The following BPIFC variants were observed in gnomAD, a reference collection of about 807,000 sequenced individuals.
The protein encoded by BPIFC is BPI fold containing family C.
Under a neutral mutation model 57.6 loss-of-function variants are expected in BPIFC, and 60 were observed. The observed-to-expected ratio is 1.04, with a 90% confidence interval of 0.85 to 1.29. The LOEUF (loss-of-function observed/expected upper bound fraction) is 1.29, where lower values mean the gene tolerates loss of function less well. Among genes scored for constraint, BPIFC ranks in the 50% most tolerant of loss-of-function variants. The probability of loss-of-function intolerance (pLI) is 0.00; values close to 1 mark genes in which losing one functional copy is unlikely to be tolerated. For missense variants in BPIFC, 581 were observed against 600.5 expected (o/e 0.97, Z 0.34); for synonymous variants, 243 against 224.5 (o/e 1.08, Z -0.74).
chr22:32,444,333 G>A (rs996224849), intron 7 of BPIFC, among the ~76,000 whole-genome samples: 1 of 152,062 alleles, frequency 6.6e-6, no homozygotes, highest in Non-Finnish European at 1.5e-5. Flanking sequence ...GGACAGCTGC[G>A]CCACCTCCTG....
At position 32,464,446 on chromosome 22, in the gene BPIFC, C is replaced by T. The variant is rs929810011; in HGVS notation, c.-161G>A. 13 of 985,350 alleles carry T rather than the reference C, an allele frequency of 1.3e-5. No individual in the cohort carries two copies. The highest frequency in any genetic ancestry group is 1.6e-5 in the Non-Finnish European group (13 of 829,918). The allele number at this position is 985,350 out of a possible 1,614,324, so 61.0% of individuals were successfully genotyped here. A position where few individuals can be genotyped will look rare whatever the true frequency, so the allele number is the denominator to read the frequency against. ...CTGCCTTTGAAGCTGATGTGTTCTC[C>T]ACCTTGCGCCTTAAACTCAGCTGCT... On this transcript the variant is annotated 5_prime_UTR_variant, in exon 1 of 17. Transcript: ENST00000300399.
chr22:32,430,029 G>A (rs1479696260), intron 13 of BPIFC, among the ~76,000 whole-genome samples: 1 of 152,130 alleles, frequency 6.6e-6, no homozygotes, highest in Non-Finnish European at 1.5e-5. Flanking sequence ...AGCTTTATAG[G>A]GCTGAGGAAA....
chr22:32,428,830 C>T (rs1014784128), intron 13 of BPIFC, among the ~76,000 whole-genome samples: 1 of 151,710 alleles, frequency 6.6e-6, no homozygotes, highest in South Asian at 2.1e-4. Flanking sequence ...ACCCGGGAGG[C>T]GGAGGTTGTA....
intron 2 of BPIFC, among the ~76,000 whole-genome samples, chr22:32,457,599 A>G (rs913503376): frequency 3.3e-5 from 5 of 150,028 alleles, no homozygotes; most frequent in Non-Finnish European, 5.9e-5. Context: ...CCATCCATCC[A>G]TGCGCTCTCC....
intron 2 of BPIFC, 134 bp from the exon 3 acceptor site, chr22:32,457,520 T>TCCA (rs1935065677): frequency 6.8e-5 from 67 of 979,710 alleles, no homozygotes; most frequent in Non-Finnish European, 9.6e-5. Flanking sequence ...AATCCATCCA[T>TCCA]TCATCCATCC....
chr22:32,431,793 TA>T (rs1011207393), intron 12 of BPIFC, among the ~76,000 whole-genome samples: 75 of 151,124 alleles, frequency 5.0e-4, no homozygotes, highest in Admixed American at 1.2e-3. Flanking sequence ...TTATTTAGAT[TA>T]AAAAAAAAGA....
Position 32,445,712 on chromosome 22 carries a change from T to TTAAA in BPIFC, c.531-15_531-14insTTTA. 17 of 169,278 alleles carry TTAAA rather than the reference T, an allele frequency of 1.0e-4. No homozygotes were observed. Among genetic ancestry groups the TTAAA allele is most frequent in the South Asian group, 1.9e-4 (1 of 5,368 alleles). The allele number at this position is 169,278 out of a possible 1,614,324, so 10.5% of individuals were successfully genotyped here. On this transcript the variant is annotated splice_polypyrimidine_tract_variant and intron_variant, in intron 6 of 16. Transcript: ENST00000300399. ...TTATACAGAACACTGAGGAAAAAAA[T>TTAAA]GAAAAAAAAAAAAAAAAAAAAAAGA...
chr22:32,419,449 CT>C, intron 13 of BPIFC, 45 bp from the exon 14 acceptor site: 1 of 1,553,334 alleles, frequency 6.4e-7, no homozygotes, highest in Non-Finnish European at 8.8e-7. Context: ...AAACAACAGC[CT>C]TAGTAGAAAG....
At chr22:32,446,950 T>C (rs1410660724) in intron 5 of BPIFC, 2 of 434,190 alleles carry the variant, frequency 4.6e-6, no homozygotes, top group Non-Finnish European at 6.1e-6. Flanking sequence ...GTTTCTCTGA[T>C]AGTCAGGGAC....
At chr22:32,451,296 C>T (rs1934889140) in intron 4 of BPIFC, among the ~76,000 whole-genome samples, 1 of 152,180 alleles carries the variant, frequency 6.6e-6, no homozygotes, top group Non-Finnish European at 1.5e-5. Context: ...GGGCTGGTTC[C>T]AAGTCTTTGC....
At position 32,424,621 on chromosome 22, in the gene BPIFC, CCTCCTCCTCTTCTTCTTCTT is replaced by C. The variant is rs1569447871; in HGVS notation, c.1218-5237_1218-5218del. Among the ~76,000 whole-genome samples the C allele has an allele frequency of 3.1e-4, 14 of 45,778 alleles. 4 individuals carry two copies. Among genetic ancestry groups the C allele is most frequent in the African/African-American group, 2.8e-3 (14 of 5,008 alleles). The allele number at this position is 45,778 out of a possible 152,430, so 30.0% of individuals were successfully genotyped here. ...TTCTTCTCCTCCTCCTCCTCCTCCT[CCTCCTCCTCTTCTTCTTCTT>C]CTCTTCTTCTTCTTCTTCTTCTTCT... On this transcript the variant is annotated intron_variant, in intron 13 of 16. Transcript: ENST00000300399.
Position 32,435,724 on chromosome 22 carries a change from C to A in BPIFC, c.904G>T (p.Val302Phe), listed in dbSNP as rs5994570. The change falls in exon 10 of 17, where the codon GTC (valine) becomes TTC (phenylalanine). Residue 302 changes from valine to phenylalanine, a missense_variant. Coordinates refer to ENST00000300399, the MANE Select transcript of BPIFC (RefSeq NM_174932.3). ...FAHFTAGVFNVTLSTEEISNH... is the reference protein window; with the variant it reads ...FAHFTAGVFNFTLSTEEISNH... ...CTCACCTCTTCGGTGGAGAGAGTGACATTGAAAACCCCAGCTGTGAAATGA... is the reference window on the plus strand; with the variant it reads ...CTCACCTCTTCGGTGGAGAGAGTGAAATTGAAAACCCCAGCTGTGAAATGA... 6.2e-7 allele frequency: 1 copy of A among 1,613,726 alleles called. No individual in the cohort carries two copies. The highest frequency in any genetic ancestry group is 1.7e-5 in the Admixed American group (1 of 59,976).
chr22:32,444,749 C>G (rs75204746), intron 7 of BPIFC, among the ~76,000 whole-genome samples: 11,321 of 152,220 alleles, frequency 0.074, 546 homozygotes, highest in East Asian at 0.16. Flanking sequence ...CAAATCCTAC[C>G]TATATGTTAA....
chr22:32,424,663 T>C lies in BPIFC; in HGVS notation c.1218-5259A>G, dbSNP rs1280716563. Among the ~76,000 whole-genome samples, 788 of 67,328 alleles carry C rather than the reference T, an allele frequency of 0.012. 136 individuals carry two copies. In the East Asian group the frequency reaches 0.14, roughly 12 times the overall value. 44.2% of individuals were successfully genotyped at this position (67,328 alleles called of 152,430 possible). On this transcript the variant is annotated intron_variant, in intron 13 of 16. Transcript: ENST00000300399. ...TCTTCTCTTCTTCTTCTTCTTCTTC[T>C]TCTTCTTCTTCTTCTTCTTCTTCTT...
At chr22:32,421,246 T>C (rs1174087473) in intron 13 of BPIFC, among the ~76,000 whole-genome samples, 2 of 152,172 alleles carry the variant, frequency 1.3e-5, no homozygotes, top group East Asian at 3.8e-4. Flanking sequence ...ACACAGTTGA[T>C]TTTTCTATGC....
At chr22:32,442,445 C>T (rs1226182030) in intron 8 of BPIFC, among the ~76,000 whole-genome samples, 2 of 152,124 alleles carry the variant, frequency 1.3e-5, no homozygotes, top group African/African-American at 2.4e-5. Flanking sequence ...ATCTCATCCC[C>T]CTGGAGCCAC....
chr22:32,433,355 A>C (rs137919355), intron 11 of BPIFC, among the ~76,000 whole-genome samples: 1 of 152,368 alleles, frequency 6.6e-6, no homozygotes, highest in East Asian at 1.9e-4. Flanking sequence ...ACGAAGGCAC[A>C]ATATTAACAG....
chr22:32,432,214 G>A (rs1934264425), intron 12 of BPIFC, among the ~76,000 whole-genome samples, 159 bp downstream of exon 12: 1 of 151,942 alleles, frequency 6.6e-6, no homozygotes, highest in African/African-American at 2.4e-5. Context: ...CCAAGACACT[G>A]GAATTATAGG....
At chr22:32,452,661 C>CA (rs1465004566) in intron 4 of BPIFC, among the ~76,000 whole-genome samples, 7 of 150,828 alleles carry the variant, frequency 4.6e-5, no homozygotes, top group African/African-American at 1.5e-4. Context: ...ACACAAAAAA[C>CA]AAAAAACCTC....
Sources: gnomAD v4.1 joint callset for allele counts (sites outside exome capture counted in the v4.1 genomes callset) on GRCh38, gnomAD v4.1.1 for gene constraint, MANE v1.5 for transcripts, NCBI Gene and HGNC (gene_info 2026-07-23, HGNC 2026-07-21) for gene names.